Variants in FLG observed in about 807,000 individuals in gnomAD.
FLG encodes the protein epidermal filaggrin.
A neutral mutation model predicts 3.8 loss-of-function variants in FLG; 6 were observed. That is an observed-to-expected ratio of 1.60 (90% CI 0.87 to 3.15). The LOEUF (loss-of-function observed/expected upper bound fraction) is 3.15, where lower values mean the gene tolerates loss of function less well. Among genes scored for constraint, FLG ranks in the 30% most tolerant of loss-of-function variants. The pLI is 0.00. For synonymous variants in FLG, 2,551 were observed against 1,931.6 expected (o/e 1.32, Z -8.41); for missense variants, 7,595 against 5,050.9 (o/e 1.50, Z -15.27).
chr1:152,303,479 G>T lies in FLG; in HGVS notation c.11407C>A (p.Gln3803Lys), dbSNP rs1456260988. 1.2e-6 allele frequency: 2 copies of T among 1,613,940 alleles called. No homozygotes were observed. Among genetic ancestry groups the T allele is most frequent in the Non-Finnish European group, 8.5e-7 (1 of 1,180,014 alleles). Residue 3803 changes from glutamine (Q) to lysine (K), a missense_variant, in exon 3 of 3, where the codon CAG (glutamine) becomes AAG (lysine). Transcript: ENST00000368799. ...SQGRSDASHG[Q>K]SGSRSASRET... Reference sequence around the variant, plus strand: ...CTGCTTGCACTTCTGGATCCTGACTGCCCATGGGAGGCATCAGACCTTCCC... The same window carrying T: ...CTGCTTGCACTTCTGGATCCTGACTTCCCATGGGAGGCATCAGACCTTCCC...
At position 152,302,998 on chromosome 1, in the gene FLG, G is replaced by T. The variant is rs750139387; in HGVS notation, c.11888C>A (p.Thr3963Asn). 1.9e-6 allele frequency: 3 copies of T among 1,613,640 alleles called. No individual in the cohort carries two copies. The highest frequency in any genetic ancestry group is 2.7e-5 in the African/African-American group (2 of 74,900). Residue 3963 changes from threonine (T) to asparagine (N), a missense_variant, in exon 3 of 3, where the codon ACT (threonine) becomes AAT (asparagine). By Grantham distance (65) the Thr-to-Asn change is moderately conservative. Transcript: ENST00000368799. The part of the protein sequence containing the change: ...SSSYHYQSEG[T>N]ERQKGQSGLV... ...ACCTGATTGACCTTTTTGCCTTTCAGTGCCCTCAGATTGATAATGATAAGA... is the reference window on the plus strand; with the variant it reads ...ACCTGATTGACCTTTTTGCCTTTCATTGCCCTCAGATTGATAATGATAAGA...
chr1:152,307,894 C>G lies in FLG; in HGVS notation c.6992G>C (p.Gly2331Ala), dbSNP rs1467390454. Reference sequence around the variant, plus strand: ...GTCTGCTGACTGCTGGTGGTGGGATCCGTGTCTCTCTCCTGCACTTGATCT... The same window carrying G: ...GTCTGCTGACTGCTGGTGGTGGGATGCGTGTCTCTCTCCTGCACTTGATCT... ...QARSSAGERH[G>A]SHHQQSADSS... Residue 2331 changes from glycine (G) to alanine (A), a missense_variant, in exon 3 of 3, where the codon GGA (glycine) becomes GCA (alanine). By Grantham distance (60) the Gly-to-Ala change is moderately conservative (BLOSUM62 0). Transcript: ENST00000368799. 1.4e-5 allele frequency: 22 copies of G among 1,613,016 alleles called. No homozygotes were observed. The highest frequency in any genetic ancestry group is 1.9e-5 in the Non-Finnish European group (22 of 1,179,764).
Position 152,312,113 on chromosome 1 carries a change from G to T in FLG, c.2773C>A (p.His925Asn), listed in dbSNP as rs372919292. The change falls in exon 3 of 3, where the codon CAC (histidine) becomes AAC (asparagine). Residue 925 changes from histidine to asparagine, a missense_variant. Coordinates refer to ENST00000368799, the MANE Select transcript of FLG (RefSeq NM_002016.2). Reference protein sequence around the residue: ...EASSHADISRHSQAGQGQSEG... With the variant: ...EASSHADISRNSQAGQGQSEG... ...GATTGTCCCTGGCCTGCCTGTGAGT[G>T]TCTAGAGATGTCGGCATGAGAGGAA... 79 of 1,614,092 alleles carry T rather than the reference G, an allele frequency of 4.9e-5. No individual in the cohort carries two copies. Among genetic ancestry groups the T allele is most frequent in the Middle Eastern group, 1.6e-4 (1 of 6,062 alleles).
In FLG at chr1:152,309,788, T is replaced by G; in HGVS notation, c.5098A>C (p.Arg1700=). The part of the protein sequence containing the change: ...DSSTDSGTGR[R]QDSSVVGDSG... Reference sequence around the variant, plus strand: ...TCTCCGACTACAGATGAATCTTGTCTGCGCCCAGTGCCTGAGTCTGTGGAG... The same window carrying G: ...TCTCCGACTACAGATGAATCTTGTCGGCGCCCAGTGCCTGAGTCTGTGGAG... The change falls in exon 3 of 3, where the codon AGA becomes CGA. Residue 1700 remains arginine (R), a synonymous_variant. Transcript: ENST00000368799. 6.2e-7 allele frequency: 1 copy of G among 1,613,998 alleles called. No individual in the cohort carries two copies. The highest frequency in any genetic ancestry group is 8.5e-7 in the Non-Finnish European group (1 of 1,179,984).
In FLG at chr1:152,313,733, C is replaced by T; in HGVS notation, c.1153G>A (p.Gly385Arg). Residue 385 changes from glycine (G) to arginine (R), a missense_variant, in exon 3 of 3, where the codon GGA becomes AGA. Transcript: ENST00000368799. ...QARSSPGERH[G>R]SGHQQSADSS... is the part of the protein sequence containing the mutation. ...TCTGCTGACTGCTGGTGGCCGGATC[C>T]ATGTCTTTCTCCTGGACTTGATCTT... is the stretch of plus-strand genomic sequence containing the variant. The T allele has an allele frequency of 3.7e-6, 6 of 1,614,086 alleles. No individual in the cohort carries two copies. Among genetic ancestry groups the T allele is most frequent in the Non-Finnish European group, 5.1e-6 (6 of 1,179,984 alleles).
intron 1 of FLG, among the ~76,000 whole-genome samples, chr1:152,317,102 C>G (rs896582468): frequency 3.3e-5 from 5 of 152,134 alleles, no homozygotes; most frequent in African/African-American, 1.2e-4. Context: ...CTGAGCCCCA[C>G]TCTCTCTTGC....
In FLG at chr1:152,302,788, T is replaced by C. The variant is rs2101634341; in HGVS notation, c.12098A>G (p.Asn4033Ser). 6.2e-7 allele frequency: 1 copy of C among 1,614,216 alleles called. No individual in the cohort carries two copies. The highest frequency in any genetic ancestry group is 8.5e-7 in the Non-Finnish European group (1 of 1,180,032). ...DHPRYYATYI[N>S]KDPGLCGHSS... ...ATGGCCACATAAACCTGGGTCCTTA[T>C]TAATATACGTTGCATAATACCTTGG... Residue 4033 changes from asparagine (N) to serine (S), a missense_variant, in exon 3 of 3, where the codon AAT (asparagine) becomes AGT (serine). By Grantham distance (46) the Asn-to-Ser change is conservative. Transcript: ENST00000368799.
In FLG at chr1:152,306,357, A is replaced by T. The variant is rs536508832; in HGVS notation, c.8529T>A (p.Asn2843Lys). ...TGGAGCCGTCTCCTGATTGTTCCTC[A>T]TTACGTGTTGTTCTGCTTGCACTTC... is the stretch of plus-strand genomic sequence containing the variant. ...GSRSASRTTR[N>K]EEQSGDGSRH... Residue 2843 changes from asparagine to lysine, a missense_variant, in exon 3 of 3, where the codon AAT becomes AAA. By Grantham distance (94) the Asn-to-Lys change is moderately conservative (BLOSUM62 0). Transcript: ENST00000368799. 1.3e-6 allele frequency: 2 copies of T among 1,596,300 alleles called. No homozygotes were observed. Among genetic ancestry groups the T allele is most frequent in the South Asian group, 2.2e-5 (2 of 90,890 alleles).
At position 152,309,052 on chromosome 1, in the gene FLG, G is replaced by A. The variant is rs1050534016; in HGVS notation, c.5834C>T (p.Ser1945Phe). The A allele has an allele frequency of 1.2e-6, 2 of 1,614,166 alleles. No individual in the cohort carries two copies. Among genetic ancestry groups the A allele is most frequent in the Admixed American group, 1.7e-5 (1 of 60,022 alleles). The change falls in exon 3 of 3, where the codon TCT becomes TTT. Residue 1945 changes from serine (S) to phenylalanine (F), a missense_variant. Physicochemically the swap from Ser to Phe is radical, Grantham distance 155. Transcript: ENST00000368799. ...GCCATCTCTTGACTGCTCCCAAGCAGATCCAAGATGGTTTCTGGAAGCAGA... is the reference window on the plus strand; with the variant it reads ...GCCATCTCTTGACTGCTCCCAAGCAAATCCAAGATGGTTTCTGGAAGCAGA... ...SGSASRNHLG[S>F]AWEQSRDGSR...
chr1:152,322,340 C>A (rs947236227), intron 1 of FLG, among the ~76,000 whole-genome samples: 6 of 150,966 alleles, frequency 4.0e-5, no homozygotes, highest in Admixed American at 2.6e-4. Context: ...TTATTACTCA[C>A]AGAATGATAT....
intron 1 of FLG, among the ~76,000 whole-genome samples, chr1:152,318,313 A>T (rs1652852964): frequency 6.6e-6 from 1 of 151,892 alleles, no homozygotes; most frequent in African/African-American, 2.4e-5. Context: ...TGTGATCTCC[A>T]AGTTGTTGAA....
Position 152,302,372 on chromosome 1 carries a change from T to A in FLG, c.*328A>T. On this transcript the variant is annotated 3_prime_UTR_variant, in exon 3 of 3. Coordinates refer to ENST00000368799, the MANE Select transcript of FLG (RefSeq NM_002016.2). ...CTTCGATATTTCTGAAAAAGATTAA[T>A]TTAGAAATTTGGGGAGTGTCTAAAA... 1 of 310,862 alleles carries A rather than the reference T, an allele frequency of 3.2e-6. No homozygotes were observed. Among genetic ancestry groups the A allele is most frequent in the Non-Finnish European group, 6.0e-6 (1 of 167,866 alleles). The allele number at this position is 310,862 out of a possible 1,614,324, so 19.3% of individuals were successfully genotyped here. A position where few individuals can be genotyped will look rare whatever the true frequency, so the allele number is the denominator to read the frequency against.
At chr1:152,320,122 TAA>T (rs1333821960) in intron 1 of FLG, among the ~76,000 whole-genome samples, 1 of 150,996 alleles carries the variant, frequency 6.6e-6, no homozygotes, top group Non-Finnish European at 1.5e-5. Flanking sequence ...CAGATAATAA[TAA>T]AAGAGTGTAT....
At chr1:152,315,738 C>G (rs1652768120) in intron 1 of FLG, among the ~76,000 whole-genome samples, 1 of 152,178 alleles carries the variant, frequency 6.6e-6, no homozygotes, top group Admixed American at 6.5e-5. Flanking sequence ...CCTCAGTGTG[C>G]TCTAGGTAAG....
At position 152,307,994 on chromosome 1, in the gene FLG, T is replaced by G. The variant is rs375943660; in HGVS notation, c.6892A>C (p.Ser2298Arg). 5.4e-5 allele frequency: 87 copies of G among 1,614,064 alleles called. 1 individual carries two copies. The African/African-American group carries it at 9.9e-4, about 18-fold the overall frequency. ...DRAGHGHSAE[S>R]SRQSGTHHAE... Reference sequence around the variant, plus strand: ...TGATGAGTGCCTGATTGTCTGGAGCTCTCTGCAGAGTGCCCATGACCGGCT... The same window carrying G: ...TGATGAGTGCCTGATTGTCTGGAGCGCTCTGCAGAGTGCCCATGACCGGCT... The change falls in exon 3 of 3, where the codon AGC becomes CGC. Residue 2298 changes from serine (S) to arginine (R), a missense_variant. Ser to Arg is a moderately radical substitution (Grantham distance 110, BLOSUM62 -1). Transcript: ENST00000368799.
chr1:152,310,572 T>G lies in FLG; in HGVS notation c.4314A>C (p.Ser1438=), dbSNP rs1164485695. 1.2e-6 allele frequency: 2 copies of G among 1,613,940 alleles called. No individual in the cohort carries two copies. The highest frequency in any genetic ancestry group is 4.5e-5 in the East Asian group (2 of 44,852). Residue 1438 remains serine (S), a synonymous_variant, in exon 3 of 3, where the codon TCA becomes TCC. Transcript: ENST00000368799. ...AGCTCACCTGGTAGAGGAAAGACCT[T>G]GAACGTCCAGAGCTTTCCCCTGACT... The part of the protein sequence containing the change: ...RGQSGESSGR[S]RSFLYQVSSH...
chr1:152,314,087 A>T lies in FLG; in HGVS notation c.799T>A (p.Ser267Thr), dbSNP rs754585644. 72 of 1,614,068 alleles carry T rather than the reference A, an allele frequency of 4.5e-5. No homozygotes were observed. The highest frequency in any genetic ancestry group is 5.8e-5 in the Non-Finnish European group (68 of 1,180,002). The change falls in exon 3 of 3, where the codon TCA becomes ACA. Residue 267 changes from serine (S) to threonine (T), a missense_variant. Physicochemically the swap from Ser to Thr is moderately conservative, Grantham distance 58. Transcript: ENST00000368799. Reference protein sequence around the residue: ...YERSRSSDGKSSSQVNRSRHE... With the variant: ...YERSRSSDGKTSSQVNRSRHE... The stretch of plus-strand genomic sequence containing the variant: ...CTTGACCTGTTCACTTGAGATGATG[A>T]TTTGCCATCAGATGACCTTGATCTT...
chr1:152,322,744 C>T (rs1311489447), intron 1 of FLG, among the ~76,000 whole-genome samples: 3 of 151,086 alleles, frequency 2.0e-5, no homozygotes, highest in Non-Finnish European at 4.5e-5. Context: ...AATAAATGGA[C>T]AATATATAGC....
Position 152,308,850 on chromosome 1 carries a change from CTG to C in FLG, c.6034_6035del (p.Gln2012ValfsTer30), listed in dbSNP as rs1174311187. ...CTGAGTGTCTGGAGCTGTCTGCTGA[CTG>C]GAGCTGGTGGTGGGATCCATGTCTT... Reference protein sequence around the residue: ...GERHGSHHQLQSADSSRHSGI... With the variant: ...GERHGSHHQLXSADSSRHSGI... On this transcript the variant is annotated frameshift_variant, in exon 3 of 3. Coordinates refer to ENST00000368799, the MANE Select transcript of FLG (RefSeq NM_002016.2). LOFTEE classifies it low-confidence loss of function (END_TRUNC). 1.2e-6 allele frequency: 2 copies of C among 1,614,142 alleles called. No individual in the cohort carries two copies. The highest frequency in any genetic ancestry group is 3.3e-5 in the Admixed American group (2 of 60,022).
Sources: allele counts gnomAD v4.1 joint callset (sites outside exome capture counted in the v4.1 genomes callset), GRCh38; gene constraint gnomAD v4.1.1; transcripts MANE v1.5; gene names NCBI Gene and HGNC (gene_info 2026-07-23, HGNC 2026-07-21).